Variants in ZMAT4 observed in about 807,000 individuals in gnomAD.
ZMAT4 encodes the protein zinc finger matrin-type protein 4.
Under a neutral mutation model 28.7 loss-of-function variants are expected in ZMAT4, and 17 were observed. The ratio of observed to expected loss-of-function variants is 0.59; its 90% confidence interval spans 0.41 to 0.89. The LOEUF (loss-of-function observed/expected upper bound fraction) is 0.89, where lower values mean the gene tolerates loss of function less well. Ranked by LOEUF, ZMAT4 falls within the 40% of genes least tolerant of loss-of-function variation. ZMAT4 has a pLI of 0.00. For synonymous variants in ZMAT4, 117 were observed against 109.2 expected (o/e 1.07, Z -0.44); for missense variants, 240 against 283.8 (o/e 0.85, Z 1.11).
chr8:40,876,767 A>G (rs1231303875), intron 1 of ZMAT4, among the ~76,000 whole-genome samples: 1 of 152,230 alleles, frequency 6.6e-6, no homozygotes, highest in Non-Finnish European at 1.5e-5. Context: ...TTAGTAGTTA[A>G]GTTTCTGGGA....
At chr8:40,813,406 TCTGACCCTGAGTACAGCAAAAG>T (rs1815407267) in intron 2 of ZMAT4, among the ~76,000 whole-genome samples, 1 of 152,250 alleles carries the variant, frequency 6.6e-6, no homozygotes, top group Admixed American at 6.5e-5. Context: ...ACATAGGCTT[TCTGACCCTGAGTACAGCAAAAG>T]CTGTTTTCAT....
intron 2 of ZMAT4, among the ~76,000 whole-genome samples, chr8:40,815,665 G>A (rs1406682567): frequency 6.6e-6 from 1 of 152,160 alleles, no homozygotes; most frequent in African/African-American, 2.4e-5. Flanking sequence ...GGAGACAGCT[G>A]GCCCCAAAAG....
intron 1 of ZMAT4, among the ~76,000 whole-genome samples, chr8:40,859,989 T>C (rs1018021880): frequency 3.3e-5 from 5 of 152,098 alleles, no homozygotes; most frequent in Admixed American, 3.3e-4. Context: ...AGTAACAAAT[T>C]TGTATGTAAT....
chr8:40,615,003 G>A (rs974474419), intron 5 of ZMAT4, among the ~76,000 whole-genome samples: 1 of 152,184 alleles, frequency 6.6e-6, no homozygotes, highest in Non-Finnish European at 1.5e-5. Context: ...TTTAGTTGAT[G>A]CAGTTTCTTC....
intron 1 of ZMAT4, among the ~76,000 whole-genome samples, chr8:40,868,114 T>C (rs999282790): frequency 1.3e-5 from 2 of 152,156 alleles, no homozygotes; most frequent in Non-Finnish European, 2.9e-5. Flanking sequence ...ATAACACATA[T>C]CCATAATATA....
chr8:40,841,538 C>T (rs1816701068), intron 1 of ZMAT4, among the ~76,000 whole-genome samples: 1 of 152,200 alleles, frequency 6.6e-6, no homozygotes, highest in African/African-American at 2.4e-5. Context: ...TCAGTGCCCC[C>T]TCCCCAGGCT....
chr8:40,567,883 C>T (rs1585694879), intron 6 of ZMAT4, among the ~76,000 whole-genome samples: 1 of 152,038 alleles, frequency 6.6e-6, no homozygotes, highest in Admixed American at 6.5e-5. Context: ...CAAATGTCAT[C>T]ACTCAGATTT....
intron 2 of ZMAT4, among the ~76,000 whole-genome samples, chr8:40,823,119 G>GT (rs552353030): frequency 1.8e-3 from 272 of 152,220 alleles, no homozygotes; most frequent in African/African-American, 6.3e-3. Flanking sequence ...CACCAGTGCA[G>GT]TTTTTTCACA....
chr8:40,724,887 G>T (rs547816574), intron 3 of ZMAT4, among the ~76,000 whole-genome samples: 3 of 152,240 alleles, frequency 2.0e-5, no homozygotes, highest in African/African-American at 7.2e-5. Context: ...GAAGGTTCCA[G>T]ACCTAGCTGG....
chr8:40,579,336 A>G (rs1281534400), intron 6 of ZMAT4, among the ~76,000 whole-genome samples: 1 of 152,218 alleles, frequency 6.6e-6, no homozygotes, highest in Non-Finnish European at 1.5e-5. Context: ...TCTGCACATC[A>G]GATACAGGTT....
chr8:40,758,118 C>A (rs956469287), intron 3 of ZMAT4, among the ~76,000 whole-genome samples: 3 of 152,126 alleles, frequency 2.0e-5, no homozygotes, highest in Admixed American at 6.5e-5. Flanking sequence ...AGCTTGCAGG[C>A]GGCCTATTGT....
Position 40,651,113 on chromosome 8 carries a change from G to A in ZMAT4, c.577+23591C>T, listed in dbSNP as rs199557234. On this transcript the variant is annotated intron_variant, in intron 5 of 6. Transcript: ENST00000297737. Reference sequence around the variant, plus strand: ...AGGAGAAGGAAATAAAGGGTATTCAGTTAGGAAAAGAGGAAGTCAAATTGT... The same window carrying A: ...AGGAGAAGGAAATAAAGGGTATTCAATTAGGAAAAGAGGAAGTCAAATTGT... Among the ~76,000 whole-genome samples, 17 of 151,936 alleles carry A rather than the reference G, an allele frequency of 1.1e-4. No individual in the cohort carries two copies. The South Asian group carries it at 1.5e-3, about 13-fold the overall frequency.
intron 1 of ZMAT4, among the ~76,000 whole-genome samples, chr8:40,897,289 G>T (rs541097347): frequency 1.3e-5 from 2 of 152,124 alleles, no homozygotes; most frequent in East Asian, 3.9e-4. Flanking sequence ...ACCCTATAGC[G>T]GAAAACACAA....
At chr8:40,632,501 T>C (rs1423753022) in intron 5 of ZMAT4, among the ~76,000 whole-genome samples, 1 of 152,154 alleles carries the variant, frequency 6.6e-6, no homozygotes, top group Non-Finnish European at 1.5e-5. Flanking sequence ...AGTAGGGATC[T>C]TGAGGTGAGA....
At chr8:40,676,766 C>CACAA (rs1355948834) in intron 4 of ZMAT4, among the ~76,000 whole-genome samples, 4 of 152,150 alleles carry the variant, frequency 2.6e-5, no homozygotes, top group African/African-American at 9.7e-5. Flanking sequence ...TACAGGGACT[C>CACAA]ACAAACAGTA....
intron 6 of ZMAT4, among the ~76,000 whole-genome samples, chr8:40,540,139 A>C (rs1464333143): frequency 6.6e-6 from 1 of 152,186 alleles, no homozygotes; most frequent in Non-Finnish European, 1.5e-5. Context: ...AGCTGAGTGC[A>C]AAGAGGTTCC....
intron 2 of ZMAT4, among the ~76,000 whole-genome samples, chr8:40,780,235 C>G (rs1255572306): frequency 6.6e-6 from 1 of 152,156 alleles, no homozygotes; most frequent in East Asian, 1.9e-4. Flanking sequence ...ATAGCTTAGC[C>G]TGGCCTACCT....
chr8:40,715,047 CAA>C (rs10690797), intron 3 of ZMAT4, among the ~76,000 whole-genome samples: 8 of 73,360 alleles, frequency 1.1e-4, no homozygotes, highest in Non-Finnish European at 1.2e-4. Flanking sequence ...GACTCTGTCT[CAA>C]AAAAAAAAAA....
chr8:40,672,227 C>T (rs1808704084), intron 5 of ZMAT4, among the ~76,000 whole-genome samples: 1 of 152,108 alleles, frequency 6.6e-6, no homozygotes, highest in Admixed American at 6.6e-5. Flanking sequence ...TTATTAAAGT[C>T]ATGGATATGC....
Sources: allele counts gnomAD v4.1 joint callset (sites outside exome capture counted in the v4.1 genomes callset), GRCh38; gene constraint gnomAD v4.1.1; transcripts MANE v1.5; gene names NCBI Gene and HGNC (gene_info 2026-07-23, HGNC 2026-07-21).